GEMIN5: variants seen among roughly 807,000 people sequenced by gnomAD.
GEMIN5 encodes gem nuclear organelle associated protein 5.
In GEMIN5, 124 loss-of-function variants were observed where a neutral mutation model predicts 176.9. The ratio of observed to expected loss-of-function variants is 0.70; its 90% CI spans 0.61 to 0.81. The LOEUF (loss-of-function observed/expected upper bound fraction) is 0.81. GEMIN5 is among the 40% of genes least tolerant of loss of function. The pLI, the probability that GEMIN5 is intolerant of heterozygous loss-of-function variation, is 0.00. For synonymous variants in GEMIN5, 673 were observed against 665.2 expected, an observed-to-expected ratio of 1.01 and a Z score of -0.18; for missense variants, 1,843 against 1,814.6, an observed-to-expected ratio of 1.02 and a Z score of -0.28.
chr5:154,909,270 C>T (rs1235545724), intron 15 of GEMIN5, among the ~76,000 whole-genome samples: 5 of 151,104 alleles, frequency 3.3e-5, no homozygotes, highest in Non-Finnish European at 5.9e-5. Context: ...GCCTGGCCCA[C>T]AAGGTGAACT....
Position 154,896,282 on chromosome 5 carries a change from AGCT to A in GEMIN5, c.3404_3406del (p.Gln1135del), listed in dbSNP as rs1467599926. 1 of 1,612,408 alleles carries A rather than the reference AGCT, an allele frequency of 6.2e-7. No homozygotes were observed. Among genetic ancestry groups the A allele is most frequent in the South Asian group, 1.1e-5 (1 of 90,762 alleles). ...AGAGGAGGAGCTTTTGCCCTCTGAA[AGCT>A]GCTTTTCCTCCAGATGCCTGGACAG... On this transcript the variant is annotated inframe_deletion, in exon 24 of 28. Coordinates refer to ENST00000285873, the MANE Select transcript of GEMIN5 (RefSeq NM_015465.5).
At chr5:154,929,983 T>C (rs745879494) in intron 5 of GEMIN5, among the ~76,000 whole-genome samples, 2 of 152,238 alleles carry the variant, frequency 1.3e-5, no homozygotes, top group Non-Finnish European at 2.9e-5. Flanking sequence ...TAAATTTCTC[T>C]TCAAAGAATC....
intron 3 of GEMIN5, 27 bp downstream of exon 3, chr5:154,935,814 C>A: frequency 6.6e-7 from 1 of 1,512,574 alleles, no homozygotes; most frequent in South Asian, 1.2e-5. Flanking sequence ...AAACAAAAAT[C>A]ATCAATACAG....
chr5:154,910,927 C>T (rs1300938227), intron 15 of GEMIN5, among the ~76,000 whole-genome samples: 8 of 151,832 alleles, frequency 5.3e-5, no homozygotes, highest in South Asian at 2.1e-4. Flanking sequence ...TCGGATCTCC[C>T]GACCTTGTGA....
intron 23 of GEMIN5, 59 bp from the exon 24 acceptor site, chr5:154,896,402 G>A (rs816747): frequency 0.38 from 569,176 of 1,484,672 alleles, 117,564 homozygotes; most frequent in East Asian, 0.89. Context: ...GGATGATCTC[G>A]AGAGCTCTCC....
At chr5:154,926,812 G>C (rs1223313538) in intron 7 of GEMIN5, among the ~76,000 whole-genome samples, 2 of 152,204 alleles carry the variant, frequency 1.3e-5, no homozygotes, top group African/African-American at 4.8e-5. Context: ...TTGGGAGGCT[G>C]AGGCAGGCAG....
intron 7 of GEMIN5, 112 bp from the exon 8 acceptor site, chr5:154,926,186 T>C: frequency 1.6e-6 from 1 of 644,196 alleles, no homozygotes. Flanking sequence ...ATAATGCATG[T>C]CTTCCAGCAG....
chr5:154,934,521 G>A (rs1169391441), intron 3 of GEMIN5, among the ~76,000 whole-genome samples: 3 of 151,882 alleles, frequency 2.0e-5, no homozygotes, highest in Non-Finnish European at 2.9e-5. Flanking sequence ...CATGTTGGCC[G>A]GGCTGGTCTT....
At chr5:154,906,602 G>A (rs1193811718) in intron 16 of GEMIN5, among the ~76,000 whole-genome samples, 1 of 151,958 alleles carries the variant, frequency 6.6e-6, no homozygotes, top group Non-Finnish European at 1.5e-5. Flanking sequence ...AGAGATGGGG[G>A]GTCTTGCTGT....
chr5:154,918,607 G>T (rs376448668), intron 11 of GEMIN5, among the ~76,000 whole-genome samples: 71 of 152,244 alleles, frequency 4.7e-4, no homozygotes, highest in African/African-American at 1.6e-3. Flanking sequence ...TTAGGAACAC[G>T]AATTTTGTCT....
At chr5:154,891,765 CT>C in intron 25 of GEMIN5, 23 bp from the exon 26 acceptor site, 1 of 1,549,738 alleles carries the variant, frequency 6.5e-7, no homozygotes, top group Non-Finnish European at 8.7e-7. Context: ...GAAAAAGATA[CT>C]GGGTCATGCA....
rs1271387525 is a variant in GEMIN5, at chr5:154,938,100, G to T, written c.34C>A (p.Pro12Thr). ...CTGCAGCGGGCGCAGTACCAGTTGG[G>T]GGAGGGCGGCAGCGTCCGCGGCTCC... is the stretch of plus-strand genomic sequence containing the variant. ...GQEPRTLPPS[P>T]NWYCARCSDA... The change falls in exon 1 of 28, where the codon CCC becomes ACC. Residue 12 changes from proline (P) to threonine (T), a missense_variant. Physicochemically the swap from Pro to Thr is conservative, Grantham distance 38. Transcript: ENST00000285873. 8 of 1,439,066 alleles carry T rather than the reference G, an allele frequency of 5.6e-6. No individual in the cohort carries two copies. Among genetic ancestry groups the T allele is most frequent in the Non-Finnish European group, 7.3e-6 (8 of 1,094,906 alleles). 89.1% of individuals were successfully genotyped at this position (1,439,066 alleles called of 1,614,324 possible). A position where few individuals can be genotyped will look rare whatever the true frequency, so the allele number is the denominator to read the frequency against.
intron 5 of GEMIN5, among the ~76,000 whole-genome samples, chr5:154,930,676 G>A (rs1316849078): frequency 6.6e-6 from 1 of 152,172 alleles, no homozygotes; most frequent in Admixed American, 6.5e-5. Flanking sequence ...AATGATGGTT[G>A]CCAGGGCCTG....
chr5:154,927,520 TTGAG>T lies in GEMIN5; in HGVS notation c.941_944del (p.Thr314AsnfsTer47). 6.2e-7 allele frequency: 1 copy of T among 1,610,160 alleles called. No individual in the cohort carries two copies. Among genetic ancestry groups the T allele is most frequent in the Non-Finnish European group, 8.5e-7 (1 of 1,176,732 alleles). On this transcript the variant is annotated frameshift_variant, in exon 7 of 28. Coordinates refer to ENST00000285873, the MANE Select transcript of GEMIN5 (RefSeq NM_015465.5). LOFTEE classifies it high-confidence loss of function. Reference sequence around the variant, plus strand: ...AGAGGGTGTATTTCCGTCTCCAAGATTGAGTGAGATCCCATTGCAACAGTTCACC... The same window carrying T: ...AGAGGGTGTATTTCCGTCTCCAAGATTGAGATCCCATTGCAACAGTTCACC...
chr5:154,888,150 G>T lies in GEMIN5; in HGVS notation c.*60C>A. ...AGTGAATGTCTGGTGAGGCATAACT[G>T]CAGAGGTGAAAGATGTCAAACATTT... On this transcript the variant is annotated 3_prime_UTR_variant, in exon 28 of 28. Transcript: ENST00000285873. 1 of 1,480,278 alleles carries T rather than the reference G, an allele frequency of 6.8e-7. No individual in the cohort carries two copies. 91.7% of individuals were successfully genotyped at this position (1,480,278 alleles called of 1,614,324 possible).
At chr5:154,924,289 A>C (rs1270042048) in intron 9 of GEMIN5, among the ~76,000 whole-genome samples, 180 bp downstream of exon 9, 2 of 152,192 alleles carry the variant, frequency 1.3e-5, no homozygotes, top group Non-Finnish European at 2.9e-5. Context: ...GTTAGAAGCT[A>C]CCACAAGGAG....
In GEMIN5 at chr5:154,913,190, T is replaced by C. The variant is rs566468736; in HGVS notation, c.1856-152A>G. On this transcript the variant is annotated intron_variant, in intron 13 of 27. Coordinates refer to ENST00000285873, the MANE Select transcript of GEMIN5 (RefSeq NM_015465.5). Reference sequence around the variant, plus strand: ...TTTTTGAGATGGAGTTTCGCTCTTGTTGCTCAGGCTGGAGTGCAATGGCGC... The same window carrying C: ...TTTTTGAGATGGAGTTTCGCTCTTGCTGCTCAGGCTGGAGTGCAATGGCGC... The C allele has an allele frequency of 5.1e-4, 330 of 645,376 alleles. 2 individuals are homozygous for C. The East Asian group carries it at 8.6e-3, about 17-fold the overall frequency. The allele number at this position is 645,376 out of a possible 1,614,324, so 40.0% of individuals were successfully genotyped here.
chr5:154,923,771 T>G (rs1390930256), intron 9 of GEMIN5, among the ~76,000 whole-genome samples: 1 of 152,230 alleles, frequency 6.6e-6, no homozygotes. Context: ...GGATGCCTCT[T>G]GTGCATTTAA....
At chr5:154,904,717 G>A (rs1763535101) in intron 17 of GEMIN5, 88 bp from the exon 18 acceptor site, 2 of 946,282 alleles carry the variant, frequency 2.1e-6, no homozygotes, top group Non-Finnish European at 3.3e-6. Context: ...TAACCTACTG[G>A]CAGGACGACA....
Sources: allele counts gnomAD v4.1 joint callset (sites outside exome capture counted in the v4.1 genomes callset), GRCh38; gene constraint gnomAD v4.1.1; transcripts MANE v1.5; gene names NCBI Gene and HGNC (gene_info 2026-07-23, HGNC 2026-07-21).